COL6A6: variants seen among roughly 807,000 people sequenced by gnomAD.
COL6A6 encodes the protein collagen type VI alpha 6 chain, also known as collagen alpha-6(VI) chain.
Under a neutral mutation model 208.6 loss-of-function variants are expected in COL6A6, and 183 were observed. That is an observed-to-expected ratio of 0.88 (90% CI 0.78 to 0.99). The LOEUF is 0.99. Ranked by LOEUF, COL6A6 falls within the 50% of genes least tolerant of loss-of-function variation. The pLI is 0.00. For synonymous variants in COL6A6, 973 were observed against 1,011.8 expected, an observed-to-expected ratio of 0.96 and a Z score of 0.73; for missense variants, 2,816 against 2,815.2, an observed-to-expected ratio of 1.00 and a Z score of -0.01.
At chr3:130,558,068 G>A (rs1373630420) in intron 1 of COL6A6, among the ~76,000 whole-genome samples, 1 of 152,170 alleles carries the variant, frequency 6.6e-6, no homozygotes. Context: ...TTAAGATAGA[G>A]CTTACTATGA....
At chr3:130,591,149 A>G in intron 13 of COL6A6, 55 bp downstream of exon 13, 1 of 1,278,344 alleles carries the variant, frequency 7.8e-7, no homozygotes, top group South Asian at 1.3e-5. Flanking sequence ...CTACAATATG[A>G]ATTTCCTTGA....
chr3:130,516,765 C>T (rs1272821289), upstream of COL6A6, among the ~76,000 whole-genome samples: 1 of 152,152 alleles, frequency 6.6e-6, no homozygotes, highest in Non-Finnish European at 1.5e-5. Flanking sequence ...CAAAGACTCT[C>T]TCTGGCTCCC....
Position 130,621,828 on chromosome 3 carries a change from C to T in COL6A6, c.4823C>T (p.Pro1608Leu). 6.2e-7 allele frequency: 1 copy of T among 1,613,804 alleles called. No individual in the cohort carries two copies. Among genetic ancestry groups the T allele is most frequent in the South Asian group, 1.1e-5 (1 of 91,062 alleles). ...CCCCTTGTTTTGTTTCAGGGGCCTC[C>T]AGGACCCGGAGGAGAGGCAGGGAAT... ...GVGSKGPQGP[P>L]GPGGEAGNQG... The change falls in exon 24 of 37, where the codon CCA becomes CTA. Residue 1608 changes from proline (P) to leucine (L), a missense_variant. Transcript: ENST00000358511.
chr3:130,580,091 G>T (rs1044931701), intron 8 of COL6A6, among the ~76,000 whole-genome samples: 1 of 152,024 alleles, frequency 6.6e-6, no homozygotes, highest in African/African-American at 2.4e-5. Flanking sequence ...CTGCTGGTTG[G>T]TTTTTTTCAC....
intron 33 of COL6A6, among the ~76,000 whole-genome samples, chr3:130,653,356 TG>T (rs574275560): frequency 6.6e-6 from 1 of 152,176 alleles, no homozygotes. Flanking sequence ...AGAGTTGAAA[TG>T]GGGGGAGACT....
intron 23 of COL6A6, among the ~76,000 whole-genome samples, chr3:130,618,124 A>T (rs79931212): frequency 6.6e-6 from 1 of 152,046 alleles, no homozygotes; most frequent in Admixed American, 6.6e-5. Context: ...TAGAACTCCA[A>T]TCTGGGCTAA....
chr3:130,616,720 A>G (rs1333135898), intron 23 of COL6A6, among the ~76,000 whole-genome samples: 1 of 152,162 alleles, frequency 6.6e-6, no homozygotes, highest in East Asian at 1.9e-4. Flanking sequence ...AGTCCGGAGT[A>G]GAATTTCTGT....
At chr3:130,602,123 G>A (rs1460389829) in intron 20 of COL6A6, among the ~76,000 whole-genome samples, 1 of 152,214 alleles carries the variant, frequency 6.6e-6, no homozygotes, top group Non-Finnish European at 1.5e-5. Flanking sequence ...TGCAAACAAT[G>A]AGGAGAGAAG....
chr3:130,535,133 T>G (rs919019515), intron 1 of COL6A6, among the ~76,000 whole-genome samples: 1 of 149,836 alleles, frequency 6.7e-6, no homozygotes, highest in Non-Finnish European at 1.5e-5. Flanking sequence ...TTTTTCCCCC[T>G]CACTATTCCT....
At position 130,593,112 on chromosome 3, in the gene COL6A6, C is replaced by T; in HGVS notation, c.4416+7C>T. ...CGGATTAAACGGAGAACAGGTAGAG[C>T]CTTCTTGTACCATAGAGACCCTTCT... On this transcript the variant is annotated splice_region_variant and intron_variant, in intron 16 of 36. Transcript: ENST00000358511. 5.6e-6 allele frequency: 9 copies of T among 1,613,126 alleles called. No homozygotes were observed. The highest frequency in any genetic ancestry group is 2.2e-5 in the East Asian group (1 of 44,874).
intron 7 of COL6A6, among the ~76,000 whole-genome samples, chr3:130,571,740 T>A (rs1560009860): frequency 6.6e-6 from 1 of 152,062 alleles, no homozygotes; most frequent in Non-Finnish European, 1.5e-5. Context: ...AGTAGCATGA[T>A]CACGGCTCAC....
intron 1 of COL6A6, among the ~76,000 whole-genome samples, chr3:130,531,071 C>CAG (rs2062082236): frequency 6.6e-6 from 1 of 151,056 alleles, no homozygotes; most frequent in African/African-American, 2.4e-5. Context: ...GTCTCTCTCT[C>CAG]TCTCTCTCTC....
At position 130,675,838 on chromosome 3, in the gene COL6A6, T is replaced by C. The variant is rs190394698; in HGVS notation, c.*441T>C. On this transcript the variant is annotated 3_prime_UTR_variant, in exon 37 of 37. Transcript: ENST00000358511. ...TTTAATGTTTTAAGCTACTCCAAAA[T>C]TTATCCTAGAAATGGATGCTGTTTA... The C allele has an allele frequency of 6.5e-6, 1 of 152,940 alleles. No individual in the cohort carries two copies. Among genetic ancestry groups the C allele is most frequent in the African/African-American group, 2.4e-5 (1 of 41,598 alleles). The allele number at this position is 152,940 out of a possible 1,614,324, so 9.5% of individuals were successfully genotyped here.
chr3:130,657,418 C>T (rs1274642496), intron 33 of COL6A6, among the ~76,000 whole-genome samples: 1 of 152,160 alleles, frequency 6.6e-6, no homozygotes, highest in Non-Finnish European at 1.5e-5. Flanking sequence ...ATGTGGCAGG[C>T]AGTGTTTATG....
At chr3:130,657,589 C>A (rs3856727) in intron 33 of COL6A6, among the ~76,000 whole-genome samples, 3 of 152,154 alleles carry the variant, frequency 2.0e-5, no homozygotes. Flanking sequence ...ACAACAACAA[C>A]AACAACAACT....
intron 1 of COL6A6, among the ~76,000 whole-genome samples, chr3:130,557,939 A>C (rs2062803230): frequency 1.1e-4 from 17 of 152,244 alleles, no homozygotes; most frequent in Admixed American, 1.1e-3. Context: ...ATAGCATATA[A>C]AGAGAAAGTA....
intron 32 of COL6A6, among the ~76,000 whole-genome samples, chr3:130,647,288 TA>T (rs1034528984): frequency 2.6e-5 from 4 of 152,156 alleles, no homozygotes; most frequent in Non-Finnish European, 5.9e-5. Context: ...GTTTTTCCCC[TA>T]AAAAAACTTG....
At position 130,563,189 on chromosome 3, in the gene COL6A6, C is replaced by T. The variant is rs560384227; in HGVS notation, c.186C>T (p.Asp62=). Residue 62 remains aspartate (D), a synonymous_variant, in exon 3 of 37, where the codon GAC becomes GAT. Coordinates refer to ENST00000358511, the MANE Select transcript of COL6A6 (RefSeq NM_001102608.3). Reference sequence around the variant, plus strand: ...TCAGCAGTCTCCCCATAGAGGCCGACAAATACCGTGTGGCCCTGGCCCAGT... The same window carrying T: ...TCAGCAGTCTCCCCATAGAGGCCGATAAATACCGTGTGGCCCTGGCCCAGT... The part of the protein sequence containing the change: ...KMISSLPIEA[D]KYRVALAQYS... 3.1e-6 allele frequency: 5 copies of T among 1,613,994 alleles called. No individual in the cohort carries two copies. The East Asian group carries it at 8.9e-5, about 29-fold the overall frequency.
chr3:130,647,785 C>T (rs1320639269), intron 32 of COL6A6, among the ~76,000 whole-genome samples: 3 of 152,228 alleles, frequency 2.0e-5, no homozygotes, highest in Non-Finnish European at 4.4e-5. Context: ...ATCTCTGAAT[C>T]TGACTTGCTG....
Sources: gnomAD v4.1 joint callset for allele counts (sites outside exome capture counted in the v4.1 genomes callset) on GRCh38, gnomAD v4.1.1 for gene constraint, MANE v1.5 for transcripts, NCBI Gene and HGNC (gene_info 2026-07-23, HGNC 2026-07-21) for gene names.